The following PAK2 variants were observed in gnomAD, a reference collection of about 807,000 sequenced individuals.
PAK2 encodes p21 (RAC1) activated kinase 2.
Under a neutral mutation model 65.9 loss-of-function variants are expected in PAK2, and 21 were observed. The observed-to-expected ratio is 0.32, with a 90% CI of 0.23 to 0.46. The LOEUF (loss-of-function observed/expected upper bound fraction) is 0.46, where lower values mean the gene tolerates loss of function less well. Among genes scored for constraint, PAK2 ranks in the 20% least tolerant of loss-of-function variants. The pLI is 1.00. For synonymous variants in PAK2, 204 were observed against 219.7 expected (o/e 0.93, Z 0.63); for missense variants, 324 against 642.6 (o/e 0.50, Z 5.36).
intron 3 of PAK2, among the ~76,000 whole-genome samples, chr3:196,802,560 A>G (rs954349137): frequency 2.6e-5 from 4 of 152,062 alleles, no homozygotes; most frequent in Admixed American, 2.6e-4. Flanking sequence ...AAATAGACCT[A>G]GGCCGGGCGC....
chr3:196,777,931 C>T (rs1253236157), intron 1 of PAK2, among the ~76,000 whole-genome samples: 1 of 152,168 alleles, frequency 6.6e-6, no homozygotes. Flanking sequence ...TTAAAGTGTA[C>T]AATTGAGTGG....
chr3:196,782,169 A>G (rs1221139858), intron 1 of PAK2, among the ~76,000 whole-genome samples: 1 of 152,048 alleles, frequency 6.6e-6, no homozygotes, highest in Non-Finnish European at 1.5e-5. Flanking sequence ...ACAAGGTTGG[A>G]GTGAAATCAG....
intron 2 of PAK2, among the ~76,000 whole-genome samples, chr3:196,798,770 A>G (rs192704997): frequency 1.4e-3 from 206 of 152,336 alleles, no homozygotes; most frequent in African/African-American, 4.5e-3. Flanking sequence ...TTACTGTATT[A>G]ACACAATAGA....
intron 2 of PAK2, among the ~76,000 whole-genome samples, chr3:196,783,221 G>A (rs1211297532): frequency 6.6e-6 from 1 of 152,128 alleles, no homozygotes; most frequent in Non-Finnish European, 1.5e-5. Flanking sequence ...TGTGATTCTT[G>A]AGTAGTAAAT....
At chr3:196,750,280 G>A (rs563978538) in intron 1 of PAK2, among the ~76,000 whole-genome samples, 280 of 152,062 alleles carry the variant, frequency 1.8e-3, no homozygotes, top group Non-Finnish European at 3.1e-3. Context: ...GTGAGCCACC[G>A]TGCCTGGCCT....
At position 196,820,633 on chromosome 3, in the gene PAK2, C is replaced by G. The variant is rs897501831; in HGVS notation, c.1350+66C>G. On this transcript the variant is annotated intron_variant, in intron 13 of 14. Transcript: ENST00000327134. The surrounding 1 kb of genome is among the most constrained non-coding windows in gnomAD (Gnocchi z 4.6). ...TTGAAACTCTTATTTAGAACTTGCA[C>G]GTGCCTGGCACTGTCCAAGAATTTA... The G allele has an allele frequency of 3.4e-6, 3 of 874,478 alleles. No homozygotes were observed. The highest frequency in any genetic ancestry group is 5.0e-5 in the Admixed American group (2 of 39,754). 54.2% of individuals were successfully genotyped at this position (874,478 alleles called of 1,614,324 possible). A position where few individuals can be genotyped will look rare whatever the true frequency, so the allele number is the denominator to read the frequency against.
rs113406113 is a variant in PAK2 at position 196,746,533 on chromosome 3, C to T, written c.-22+6376C>T. On this transcript the variant is annotated intron_variant, in intron 1 of 14. Coordinates refer to ENST00000327134, the MANE Select transcript of PAK2 (RefSeq NM_002577.4). Reference sequence around the variant, plus strand: ...TAAATTTAGATTAATAAGAATAGGCCGGGCACAGTGGCTCATGCCTGTTAT... The same window carrying T: ...TAAATTTAGATTAATAAGAATAGGCTGGGCACAGTGGCTCATGCCTGTTAT... Among the ~76,000 whole-genome samples the T allele has an allele frequency of 3.5e-3, 536 of 152,134 alleles. 3 individuals are homozygous for T. The highest frequency in any genetic ancestry group is 0.013 in the African/African-American group (521 of 41,504).
intron 1 of PAK2, among the ~76,000 whole-genome samples, chr3:196,758,432 C>T (rs779340349): frequency 1.3e-5 from 2 of 152,216 alleles, no homozygotes; most frequent in Non-Finnish European, 2.9e-5. Flanking sequence ...TAGCACGACA[C>T]GTCCCGTGTC....
chr3:196,818,001 C>A, intron 11 of PAK2, 56 bp from the exon 12 acceptor site: 1 of 745,276 alleles, frequency 1.3e-6, no homozygotes, highest in Non-Finnish European at 2.5e-6. Flanking sequence ...ACTGCATGTG[C>A]CTCCCTGTGT....
chr3:196,783,627 TC>T, intron 2 of PAK2, among the ~76,000 whole-genome samples: 1 of 150,270 alleles, frequency 6.7e-6, no homozygotes, highest in Non-Finnish European at 1.5e-5. Context: ...ATATAAAACA[TC>T]CTTGTACCTA....
At chr3:196,750,814 G>A (rs2108710073) in intron 1 of PAK2, among the ~76,000 whole-genome samples, 1 of 147,982 alleles carries the variant, frequency 6.8e-6, no homozygotes, top group South Asian at 2.1e-4. Context: ...GTATGTTTCT[G>A]TTATTTTATT....
At chr3:196,778,323 T>C (rs1299002155) in intron 1 of PAK2, among the ~76,000 whole-genome samples, 2 of 152,234 alleles carry the variant, frequency 1.3e-5, no homozygotes, top group Non-Finnish European at 2.9e-5. Context: ...TGTCTATCTT[T>C]TGGCTGTTAT....
intron 2 of PAK2, among the ~76,000 whole-genome samples, chr3:196,789,707 T>A (rs1481269660): frequency 6.6e-6 from 1 of 152,120 alleles, no homozygotes; most frequent in Non-Finnish European, 1.5e-5. Context: ...TCAGGTGATC[T>A]GCTCACCTCA....
At chr3:196,751,694 T>TATATATATATATATA (rs1211217848) in intron 1 of PAK2, among the ~76,000 whole-genome samples, 1 of 45,840 alleles carries the variant, frequency 2.2e-5, no homozygotes, top group Non-Finnish European at 4.4e-5. Context: ...TATATATATA[T>TATATATATATATATA]AATTCAGGCT....
chr3:196,793,917 G>C (rs2108750173), intron 2 of PAK2, among the ~76,000 whole-genome samples: 1 of 152,246 alleles, frequency 6.6e-6, no homozygotes, highest in African/African-American at 2.4e-5. Context: ...GATCACTTGA[G>C]ATCAGAAGTT....
chr3:196,821,288 C>T (rs1577750549), intron 13 of PAK2, among the ~76,000 whole-genome samples: 1 of 151,968 alleles, frequency 6.6e-6, no homozygotes, highest in Non-Finnish European at 1.5e-5. Flanking sequence ...GATAGCACTA[C>T]TGCACTCCAG....
chr3:196,816,135 CT>C (rs112555922), intron 11 of PAK2, among the ~76,000 whole-genome samples: 3,537 of 152,152 alleles, frequency 0.023, 147 homozygotes, highest in African/African-American at 0.08. Context: ...AAGGGCAAAA[CT>C]TTAAGTTTAT....
chr3:196,740,829 C>CACCATGTTTGGCTCTCTTGGA (rs1560085168), intron 1 of PAK2, among the ~76,000 whole-genome samples: 1 of 152,094 alleles, frequency 6.6e-6, no homozygotes, highest in Admixed American at 6.6e-5. Context: ...ATTGGTTTTT[C>CACCATGTTTGGCTCTCTTGGA]ACCATGTTTG....
intron 1 of PAK2, among the ~76,000 whole-genome samples, chr3:196,773,903 G>A (rs57372126): frequency 0.018 from 2,785 of 151,474 alleles, 88 homozygotes; most frequent in African/African-American, 0.063. Flanking sequence ...TTAGCCGGGC[G>A]TGGTGGCGCA....
Sources: allele counts gnomAD v4.1 joint callset (sites outside exome capture counted in the v4.1 genomes callset), GRCh38; gene constraint gnomAD v4.1.1; non-coding constraint Gnocchi (gnomAD v3.1); transcripts MANE v1.5; gene names NCBI Gene and HGNC (gene_info 2026-07-23, HGNC 2026-07-21).